Variants in MAP3K13 observed in about 807,000 individuals in gnomAD.
The protein encoded by MAP3K13 is leucine zipper-bearing kinase.
A neutral mutation model predicts 104.0 loss-of-function variants in MAP3K13; 52 were observed. That is an observed-to-expected ratio of 0.50 (90% CI 0.40 to 0.63). The LOEUF (loss-of-function observed/expected upper bound fraction) is 0.63, where lower values mean the gene tolerates loss of function less well. MAP3K13 is among the 20% of genes least tolerant of loss of function. The pLI is 0.00. For missense variants in MAP3K13, 914 were observed against 1,218.5 expected (o/e 0.75, Z 3.72); for synonymous variants, 394 against 442.2 (o/e 0.89, Z 1.37).
At chr3:185,454,896 GAT>G (rs1386981168) in intron 7 of MAP3K13, among the ~76,000 whole-genome samples, 665 of 49,704 alleles carry the variant, frequency 0.013, 3 homozygotes, top group African/African-American at 0.016. Flanking sequence ...ATATATATGA[GAT>G]ATATATATGA....
At chr3:185,390,055 G>A (rs1025079548) in intron 1 of MAP3K13, among the ~76,000 whole-genome samples, 3 of 152,136 alleles carry the variant, frequency 2.0e-5, no homozygotes, top group Non-Finnish European at 4.4e-5. Flanking sequence ...GATCTCCACT[G>A]TCTACTTGTG....
In MAP3K13 at chr3:185,486,984, C is replaced by T. The variant is rs1718745540; in HGVS notation, c.*4528C>T. The T allele has an allele frequency of 1.3e-5, 2 of 152,160 alleles. No individual in the cohort carries two copies. Among genetic ancestry groups the T allele is most frequent in the South Asian group, 2.1e-4 (1 of 4,828 alleles). The allele number at this position is 152,160 out of a possible 1,614,324, so 9.4% of individuals were successfully genotyped here. A position where few individuals can be genotyped will look rare whatever the true frequency, so the allele number is the denominator to read the frequency against. On this transcript the variant is annotated 3_prime_UTR_variant, in exon 14 of 14. Transcript: ENST00000265026. Reference sequence around the variant, plus strand: ...CATCTAGCTACTTGAAGTTGAGATACTATATTTTAAAATGTTGGCATCAAA... The same window carrying T: ...CATCTAGCTACTTGAAGTTGAGATATTATATTTTAAAATGTTGGCATCAAA...
intron 12 of MAP3K13, 66 bp downstream of exon 12, chr3:185,477,462 C>G (rs1718196489): frequency 1.7e-6 from 2 of 1,192,508 alleles, no homozygotes; most frequent in Non-Finnish European, 2.5e-6. Context: ...AAGTTTGCCA[C>G]ACCTGCTCTT....
chr3:185,448,584 A>T (rs1476196207), intron 5 of MAP3K13, among the ~76,000 whole-genome samples: 3 of 152,240 alleles, frequency 2.0e-5, no homozygotes, highest in Non-Finnish European at 4.4e-5. Flanking sequence ...GCACATGTCA[A>T]AATTGCATGT....
chr3:185,473,718 G>T lies in MAP3K13; in HGVS notation c.2387G>T (p.Gly796Val), dbSNP rs200907287. ...SESSLGTSHL[G>V]TPPALPRKTR... ...TCATCCCTCGGCACCTCTCATCTCG[G>T]CACCCCTCCAGCGCTACCTCGAAAA... Residue 796 changes from glycine to valine, a missense_variant, in exon 11 of 14, where the codon GGC (glycine) becomes GTC (valine). Coordinates refer to ENST00000265026, the MANE Select transcript of MAP3K13 (RefSeq NM_004721.5). This position sits in a 1 kb window ranked among gnomAD's most constrained non-coding sequence, Gnocchi z 4.9. 14 of 1,613,976 alleles carry T rather than the reference G, an allele frequency of 8.7e-6. No homozygotes were observed. In the East Asian group the frequency reaches 3.1e-4, roughly 36 times the overall value.
intron 1 of MAP3K13, among the ~76,000 whole-genome samples, chr3:185,407,605 A>G (rs1023434955): frequency 6.6e-6 from 1 of 152,054 alleles, no homozygotes; most frequent in Non-Finnish European, 1.5e-5. Flanking sequence ...TGATTCTACT[A>G]TTGCTCAGGA....
rs1442957530 is a variant in MAP3K13, at chr3:185,363,224, G to A, written c.-230G>A. ...GAATCTGTGACGTCAGCAAGCCTTT[G>A]GGCTCCTTTGCGGTGGGCTGGAGGA... On this transcript the variant is annotated 5_prime_UTR_variant, in exon 1 of 14. It introduces an in-frame stop codon into an upstream open reading frame of the 5' UTR. Transcript: ENST00000265026. 1 of 985,116 alleles carries A rather than the reference G, an allele frequency of 1.0e-6. No individual in the cohort carries two copies. Among genetic ancestry groups the A allele is most frequent in the Non-Finnish European group, 1.2e-6 (1 of 829,934 alleles). The allele number at this position is 985,116 out of a possible 1,614,324, so 61.0% of individuals were successfully genotyped here. A position where few individuals can be genotyped will look rare whatever the true frequency, so the allele number is the denominator to read the frequency against.
chr3:185,320,530 A>G (rs1404292461), intron 2 of MAP3K13, among the ~76,000 whole-genome samples: 2 of 152,224 alleles, frequency 1.3e-5, no homozygotes, highest in African/African-American at 2.4e-5. Context: ...CTCCATTCAA[A>G]TGACATCAGA....
intron 2 of MAP3K13, among the ~76,000 whole-genome samples, chr3:185,433,883 TA>T (rs1714880844): frequency 6.6e-6 from 1 of 152,112 alleles, no homozygotes; most frequent in African/African-American, 2.4e-5. Flanking sequence ...GCATTATTTC[TA>T]AAAAACATAG....
At chr3:185,468,465 A>G (rs910542267) in intron 10 of MAP3K13, among the ~76,000 whole-genome samples, 1 of 152,008 alleles carries the variant, frequency 6.6e-6, no homozygotes, top group Non-Finnish European at 1.5e-5. Context: ...TCCTTACCAA[A>G]CTCTGTAGAG....
rs149032183 is a variant in MAP3K13, at chr3:185,414,462, T to G, written c.-85-14035T>G. 4.1e-3 allele frequency among the ~76,000 whole-genome samples: 620 copies of G among 152,318 alleles called. 4 individuals carry two copies. Among genetic ancestry groups the G allele is most frequent in the African/African-American group, 0.014 (568 of 41,574 alleles). ...AACTTATGAGACTTAGTTGTTTATC[T>G]TGAAAAATAGAAGGCATGGCCCAGT... On this transcript the variant is annotated intron_variant, in intron 1 of 13. Transcript: ENST00000265026.
chr3:185,377,383 T>G (rs1724482751), intron 1 of MAP3K13, among the ~76,000 whole-genome samples: 2 of 151,780 alleles, frequency 1.3e-5, no homozygotes, highest in African/African-American at 4.8e-5. Flanking sequence ...GTCCTATACT[T>G]GTGGTTTAAG....
In MAP3K13 at chr3:185,451,291, A is replaced by G. The variant is rs199643260; in HGVS notation, c.1174A>G (p.Ser392Gly). The G allele has an allele frequency of 5.6e-6, 9 of 1,609,912 alleles. No homozygotes were observed. Among genetic ancestry groups the G allele is most frequent in the Non-Finnish European group, 7.6e-6 (9 of 1,177,680 alleles). Reference sequence around the variant, plus strand: ...AACTGTCTTTTTCACTTTTAGGCAGAGTAAACCTCGAAACCGACCTTCTTT... The same window carrying G: ...AACTGTCTTTTTCACTTTTAGGCAGGGTAAACCTCGAAACCGACCTTCTTT... ...FKILMKQTWQ[S>G]KPRNRPSFRQ... The change falls in exon 7 of 14, where the codon AGT becomes GGT. Residue 392 changes from serine to glycine, a missense_variant. Transcript: ENST00000265026.
At chr3:185,307,852 T>G (rs940607631) in intron 2 of MAP3K13, among the ~76,000 whole-genome samples, 4 of 151,856 alleles carry the variant, frequency 2.6e-5, no homozygotes, top group African/African-American at 9.7e-5. Flanking sequence ...TTTAAAATAG[T>G]TTTTATCTCT....
intron 2 of MAP3K13, among the ~76,000 whole-genome samples, chr3:185,326,021 T>C (rs552594062): frequency 6.6e-6 from 1 of 152,290 alleles, no homozygotes; most frequent in East Asian, 1.9e-4. Context: ...TCAGTTCATG[T>C]TCCTCTCAGC....
chr3:185,295,313 C>T (rs1560036936), intron 2 of MAP3K13, among the ~76,000 whole-genome samples: 1 of 152,118 alleles, frequency 6.6e-6, no homozygotes, highest in Non-Finnish European at 1.5e-5. Context: ...TCAAGCAGTT[C>T]TCTGCCTCTG....
chr3:185,471,451 CTTTTTTTTT>C (rs71164510), intron 10 of MAP3K13, among the ~76,000 whole-genome samples: 38 of 75,444 alleles, frequency 5.0e-4, no homozygotes, highest in Admixed American at 6.7e-4. Flanking sequence ...ACGACCTTTA[CTTTTTTTTT>C]TTTTTTTTTT....
At chr3:185,355,614 G>A (rs528918072) in intron 2 of MAP3K13, among the ~76,000 whole-genome samples, 22 of 152,278 alleles carry the variant, frequency 1.4e-4, no homozygotes, top group Admixed American at 6.5e-5. Context: ...CAGCCTGGAC[G>A]ACAGAGTGAG....
At chr3:185,366,135 A>G (rs571263593) in intron 1 of MAP3K13, among the ~76,000 whole-genome samples, 48 of 151,578 alleles carry the variant, frequency 3.2e-4, no homozygotes, top group South Asian at 2.9e-3. Flanking sequence ...ACAACCGCCA[A>G]TCTGCTTTCT....
Sources: gnomAD v4.1 joint callset for allele counts (sites outside exome capture counted in the v4.1 genomes callset) on GRCh38, gnomAD v4.1.1 for gene constraint, Gnocchi (gnomAD v3.1) non-coding constraint, MANE v1.5 for transcripts, NCBI Gene and HGNC (gene_info 2026-07-23, HGNC 2026-07-21) for gene names.